Variants in PCDHGB6 observed in about 807,000 individuals in gnomAD.
PCDHGB6 encodes the protein protocadherin gamma-B6.
In PCDHGB6, 51 loss-of-function variants were observed where a neutral mutation model predicts 59.1. That is an observed-to-expected ratio of 0.86 (90% CI 0.69 to 1.09). PCDHGB6 has a LOEUF of 1.09. Among genes scored for constraint, PCDHGB6 ranks in the 50% least tolerant of loss-of-function variants. The pLI is 0.00. For synonymous variants in PCDHGB6, 466 were observed against 495.1 expected (o/e 0.94, Z 0.78); for missense variants, 1,148 against 1,205.1 (o/e 0.95, Z 0.70).
rs2097424370 is a variant in PCDHGB6, at chr5:141,431,859, C to G, written c.2418+21239C>G. On this transcript the variant is annotated intron_variant, in intron 1 of 3. Coordinates refer to ENST00000520790, the MANE Select transcript of PCDHGB6 (RefSeq NM_018926.3). The surrounding 1 kb of genome is among the most constrained non-coding windows in gnomAD (Gnocchi z 4.8). ...AACTCTCCCAGAGGGACATTAATTG[C>G]CCTTTTAAATGTAAATGACCAAGAT... is the stretch of plus-strand genomic sequence containing the variant. The G allele has an allele frequency of 1.2e-6, 2 of 1,614,060 alleles. No individual in the cohort carries two copies. Among genetic ancestry groups the G allele is most frequent in the Middle Eastern group, 3.3e-4 (2 of 6,084 alleles).
chr5:141,408,575 G>A lies in PCDHGB6; in HGVS notation c.373G>A (p.Asp125Asn), dbSNP rs1300122367. Residue 125 changes from aspartate (D) to asparagine (N), a missense_variant, in exon 1 of 4, where the codon GAT (aspartate) becomes AAT (asparagine). Asp to Asn is a conservative substitution (Grantham distance 23). Coordinates refer to ENST00000520790, the MANE Select transcript of PCDHGB6 (RefSeq NM_018926.3). ...NIFHVIVVIEDVNDHAPQFDK... is the reference protein window; with the variant it reads ...NIFHVIVVIENVNDHAPQFDK... ...TTTTCATGTCATTGTGGTGATTGAG[G>A]ATGTTAATGACCACGCCCCTCAATT... 2.5e-6 allele frequency: 4 copies of A among 1,613,918 alleles called. No individual in the cohort carries two copies. The highest frequency in any genetic ancestry group is 2.2e-5 in the East Asian group (1 of 44,896).
chr5:141,458,567 TTTTG>T (rs144471304), intron 1 of PCDHGB6, among the ~76,000 whole-genome samples: 42,006 of 151,504 alleles, frequency 0.28, 6,493 homozygotes, highest in African/African-American at 0.43. Context: ...GGTTTTGGGT[TTTTG>T]TTTGTTTGTT....
intron 1 of PCDHGB6, chr5:141,413,424 G>T: frequency 6.2e-7 from 1 of 1,614,086 alleles, no homozygotes; most frequent in Non-Finnish European, 8.5e-7. Flanking sequence ...CTCTGAACCC[G>T]CGCAGCGGCA....
chr5:141,509,979 T>C (rs908103989), intron 3 of PCDHGB6, among the ~76,000 whole-genome samples: 4 of 152,204 alleles, frequency 2.6e-5, no homozygotes, highest in African/African-American at 7.2e-5. Context: ...CTTCTAACAC[T>C]TGGTTCCCTC....
At position 141,487,666 on chromosome 5, in the gene PCDHGB6, C is replaced by T. The variant is rs2099657736; in HGVS notation, c.2419-7141C>T. 1 of 1,612,838 alleles carries T rather than the reference C, an allele frequency of 6.2e-7. No homozygotes were observed. Among genetic ancestry groups the T allele is most frequent in the South Asian group, 1.1e-5 (1 of 90,712 alleles). Reference sequence around the variant, plus strand: ...TGCTTGAGGGTTATTCTGATCCAGGCATATGGCTAGGCCATGTCCTAGAGA... The same window carrying T: ...TGCTTGAGGGTTATTCTGATCCAGGTATATGGCTAGGCCATGTCCTAGAGA... On this transcript the variant is annotated intron_variant, in intron 1 of 3. Coordinates refer to ENST00000520790, the MANE Select transcript of PCDHGB6 (RefSeq NM_018926.3). This position sits in a 1 kb window ranked among gnomAD's most constrained non-coding sequence, Gnocchi z 5.0.
intron 1 of PCDHGB6, among the ~76,000 whole-genome samples, chr5:141,457,745 G>T (rs1039982528): frequency 6.6e-6 from 1 of 152,232 alleles, no homozygotes; most frequent in Non-Finnish European, 1.5e-5. Flanking sequence ...TTTTAAAGCT[G>T]AGCCCAGACA....
Position 141,476,708 on chromosome 5 carries a change from T to C in PCDHGB6, c.2419-18099T>C, listed in dbSNP as rs1205987380. The C allele has an allele frequency of 1.2e-6, 2 of 1,614,150 alleles. No homozygotes were observed. The highest frequency in any genetic ancestry group is 8.5e-7 in the Non-Finnish European group (1 of 1,180,024). ...CAGCACCAAGTACGCGGAGCTGGTG[T>C]TGGAGCGCGCCCTGGACCGAGAACG... On this transcript the variant is annotated intron_variant, in intron 1 of 3. Coordinates refer to ENST00000520790, the MANE Select transcript of PCDHGB6 (RefSeq NM_018926.3). The surrounding 1 kb of genome is among the most constrained non-coding windows in gnomAD (Gnocchi z 7.6).
intron 1 of PCDHGB6, among the ~76,000 whole-genome samples, chr5:141,429,781 A>G (rs2097245343): frequency 1.3e-5 from 2 of 152,186 alleles, no homozygotes; most frequent in Non-Finnish European, 2.9e-5. Context: ...TGGGCTTCCA[A>G]AAGTATTACC....
intron 1 of PCDHGB6, among the ~76,000 whole-genome samples, chr5:141,467,931 T>C (rs771009105): frequency 1.3e-5 from 2 of 151,966 alleles, no homozygotes; most frequent in Non-Finnish European, 2.9e-5. Flanking sequence ...AATGCTAGGA[T>C]TACAAGCATG....
intron 1 of PCDHGB6, among the ~76,000 whole-genome samples, chr5:141,450,233 G>A (rs2098674391): frequency 6.6e-6 from 1 of 152,026 alleles, no homozygotes; most frequent in Non-Finnish European, 1.5e-5. Flanking sequence ...GGCCAGGCTA[G>A]TCTTGAACTC....
At chr5:141,450,829 A>ATTAT (rs1554136902) in intron 1 of PCDHGB6, among the ~76,000 whole-genome samples, 14 of 135,142 alleles carry the variant, frequency 1.0e-4, no homozygotes, top group African/African-American at 3.3e-4. Context: ...TATTATTATT[A>ATTAT]TTTTTTTTTT....
At chr5:141,437,778 G>C (rs750813139) in intron 1 of PCDHGB6, among the ~76,000 whole-genome samples, 1 of 146,836 alleles carries the variant, frequency 6.8e-6, no homozygotes, top group Non-Finnish European at 1.5e-5. Flanking sequence ...TCAATCTGTC[G>C]CCAAGCTGGA....
rs1219684339 is a variant in PCDHGB6, at chr5:141,506,444, CAA to C, written c.2566+983_2566+984del. Among the ~76,000 whole-genome samples the C allele has an allele frequency of 5.9e-3, 564 of 95,004 alleles. 2 individuals carry two copies. The highest frequency in any genetic ancestry group is 0.013 in the African/African-American group (317 of 25,186). 62.3% of individuals were successfully genotyped at this position (95,004 alleles called of 152,430 possible). Reference sequence around the variant, plus strand: ...CCTGGGCAACAGTCTCGCTCTGTCTCAAAAAAAAAAAAAAAAAAAAAGAGCAC... The same window carrying C: ...CCTGGGCAACAGTCTCGCTCTGTCTCAAAAAAAAAAAAAAAAAAAGAGCAC... On this transcript the variant is annotated intron_variant, in intron 3 of 3. Transcript: ENST00000520790.
chr5:141,418,125 G>C, intron 1 of PCDHGB6: 1 of 1,614,086 alleles, frequency 6.2e-7, no homozygotes. Flanking sequence ...GTGAAGGACC[G>C]AATAGACCGT....
chr5:141,479,568 G>A (rs553213095), intron 1 of PCDHGB6: 2 of 152,346 alleles, frequency 1.3e-5, no homozygotes, highest in East Asian at 3.9e-4. Context: ...GTAGTGGGAT[G>A]ACATCTGTGA....
chr5:141,484,552 G>T (rs2099597743), intron 1 of PCDHGB6, among the ~76,000 whole-genome samples: 1 of 152,138 alleles, frequency 6.6e-6, no homozygotes, highest in African/African-American at 2.4e-5. Context: ...CTAATTAGCA[G>T]TTGCTCCAAT....
intron 2 of PCDHGB6, among the ~76,000 whole-genome samples, chr5:141,500,289 A>G (rs1440166636): frequency 6.6e-6 from 1 of 151,486 alleles, no homozygotes; most frequent in African/African-American, 2.4e-5. Flanking sequence ...GCTCACTGCA[A>G]GCTCCGCCTC....
At chr5:141,418,066 C>T (rs777602456) in intron 1 of PCDHGB6, 1 of 1,613,980 alleles carries the variant, frequency 6.2e-7, no homozygotes, top group Non-Finnish European at 8.5e-7. Flanking sequence ...TGCGAGTGAG[C>T]GCGGAGAAGC....
chr5:141,502,884 A>T (rs2099816871), intron 2 of PCDHGB6, among the ~76,000 whole-genome samples: 1 of 36,804 alleles, frequency 2.7e-5, no homozygotes, highest in African/African-American at 3.5e-4. Context: ...TTTTTTTGAC[A>T]GGGAGTCTAG....
Sources: gnomAD v4.1 joint callset for allele counts (sites outside exome capture counted in the v4.1 genomes callset) on GRCh38, gnomAD v4.1.1 for gene constraint, Gnocchi (gnomAD v3.1) non-coding constraint, MANE v1.5 for transcripts, NCBI Gene and HGNC (gene_info 2026-07-23, HGNC 2026-07-21) for gene names.